Variants in FRMD4B observed in about 807,000 individuals in gnomAD.
The protein encoded by FRMD4B is FERM domain containing 4B.
Under a neutral mutation model 141.5 loss-of-function variants are expected in FRMD4B, and 74 were observed. The ratio of observed to expected loss-of-function variants is 0.52; its 90% CI spans 0.43 to 0.63. The LOEUF (loss-of-function observed/expected upper bound fraction) is 0.63, where lower values mean the gene tolerates loss of function less well. Among genes scored for constraint, FRMD4B ranks in the 30% least tolerant of loss-of-function variants. FRMD4B has a pLI of 0.00. For missense variants in FRMD4B, 1,366 were observed against 1,253.4 expected (o/e 1.09, Z -1.36); for synonymous variants, 506 against 467.9 (o/e 1.08, Z -1.05).
chr3:69,456,566 CACTT>C (rs1705618380), intron 1 of FRMD4B, among the ~76,000 whole-genome samples: 2 of 152,222 alleles, frequency 1.3e-5, no homozygotes, highest in South Asian at 2.1e-4. Context: ...ACTTTCAGAG[CACTT>C]ACTATGTTAA....
At chr3:69,236,237 T>TTTTTTTTTTTTTTTTTTTTTTTTC in intron 7 of FRMD4B, among the ~76,000 whole-genome samples, 1 of 151,434 alleles carries the variant, frequency 6.6e-6, no homozygotes. Flanking sequence ...GGTTTTTTTT[T>TTTTTTTTTTTTTTTTTTTTTTTTC]TTTTTTTCCG....
chr3:69,515,283 C>T (rs1390500116), intron 1 of FRMD4B, among the ~76,000 whole-genome samples: 2 of 152,162 alleles, frequency 1.3e-5, no homozygotes, highest in African/African-American at 2.4e-5. Context: ...AATCGTCTTC[C>T]ACCAGGTACC....
At chr3:69,278,101 G>A (rs1319805953) in intron 5 of FRMD4B, among the ~76,000 whole-genome samples, 1 of 152,102 alleles carries the variant, frequency 6.6e-6, no homozygotes, top group African/African-American at 2.4e-5. Context: ...TGATCCGCCT[G>A]CCTTGGCCTC....
At chr3:69,230,142 A>T (rs2093293133) in intron 7 of FRMD4B, among the ~76,000 whole-genome samples, 1 of 151,426 alleles carries the variant, frequency 6.6e-6, no homozygotes, top group Non-Finnish European at 1.5e-5. Context: ...CGCCTGGCTA[A>T]TTTTTTTGTA....
At chr3:69,510,778 T>G (rs1168042334) in intron 1 of FRMD4B, among the ~76,000 whole-genome samples, 1 of 152,196 alleles carries the variant, frequency 6.6e-6, no homozygotes, top group Non-Finnish European at 1.5e-5. Context: ...CAAGTCCACA[T>G]ACAGGGCACA....
In FRMD4B at chr3:69,311,344, G is replaced by A. The variant is rs773470685; in HGVS notation, c.242C>T (p.Ala81Val). ...AGCCACTAGGTCCAGCAACTCTCTT[G>A]CTAGAAGTTTGGGCTGTCAAAATAA... is the stretch of plus-strand genomic sequence containing the variant. ...LELLVQPKLL[A>V]RELLDLVASH... Residue 81 changes from alanine to valine, a missense_variant, in exon 3 of 23, where the codon GCA becomes GTA. Physicochemically the swap from Ala to Val is moderately conservative, Grantham distance 64 (BLOSUM62 0). Transcript: ENST00000398540. 6.3e-7 allele frequency: 1 copy of A among 1,596,060 alleles called. No homozygotes were observed. Among genetic ancestry groups the A allele is most frequent in the South Asian group, 1.1e-5 (1 of 90,166 alleles).
At chr3:69,228,499 G>T (rs1264273609) in intron 7 of FRMD4B, 4 of 455,292 alleles carry the variant, frequency 8.8e-6, no homozygotes, top group Non-Finnish European at 1.8e-5. Flanking sequence ...ATACAGATTT[G>T]ACTCTGTGTG....
In FRMD4B at chr3:69,487,730, A is replaced by G. The variant is rs551372045; in HGVS notation, c.-129+54476T>C. 9.2e-5 allele frequency among the ~76,000 whole-genome samples: 14 copies of G among 152,334 alleles called. No individual in the cohort carries two copies. The South Asian group carries it at 2.9e-3, about 32-fold the overall frequency. On this transcript the variant is annotated intron_variant, in intron 1 of 5. Coordinates refer to the FRMD4B transcript ENST00000459638. ...CCTGAATTTAGGAGGCTGTCCAGGG[A>G]TGCTGAGGCAGTTGGAGTGCTAGCC...
At chr3:69,240,462 G>A (rs1209107834) in intron 7 of FRMD4B, among the ~76,000 whole-genome samples, 9 of 111,856 alleles carry the variant, frequency 8.0e-5, no homozygotes, top group Admixed American at 2.7e-4. Context: ...CAGCCTGGAC[G>A]ACAGAGCAAG....
intron 12 of FRMD4B, 85 bp from the exon 13 acceptor site, chr3:69,197,123 A>G (rs13059687): frequency 0.89 from 981,878 of 1,100,178 alleles, 447,611 homozygotes; most frequent in Non-Finnish European, 0.95. Context: ...ATTGTAACAA[A>G]GCATGTTCCT....
chr3:69,334,582 G>A (rs777179315), intron 1 of FRMD4B: 4 of 152,106 alleles, frequency 2.6e-5, no homozygotes, highest in Non-Finnish European at 4.4e-5. Context: ...ATAACTCAGA[G>A]GTTGAGCACT....
rs550770499 is a variant in FRMD4B, at chr3:69,224,821, G to A, written c.582-131C>T. 116 of 600,452 alleles carry A rather than the reference G, an allele frequency of 1.9e-4. 1 individual carries two copies. The highest frequency in any genetic ancestry group is 2.7e-5 in the Non-Finnish European group (9 of 337,564). The allele number at this position is 600,452 out of a possible 1,614,324, so 37.2% of individuals were successfully genotyped here. ...TGGAGCCAACATACACATGGTTATG[G>A]ACTCTAACTAGAAGCAGCCCCCAAA... On this transcript the variant is annotated intron_variant, in intron 7 of 22. Coordinates refer to ENST00000398540, the MANE Select transcript of FRMD4B (RefSeq NM_015123.3).
At chr3:69,198,488 G>C (rs941115878) in intron 12 of FRMD4B, 1 of 548,324 alleles carries the variant, frequency 1.8e-6, no homozygotes, top group Admixed American at 3.3e-5. Flanking sequence ...TGCTGCTTGG[G>C]ATGTAAAATG....
chr3:69,431,861 C>T (rs1221048754), intron 2 of FRMD4B, among the ~76,000 whole-genome samples: 2 of 152,198 alleles, frequency 1.3e-5, no homozygotes, highest in Non-Finnish European at 1.5e-5. Context: ...ATTTTACTCA[C>T]GTGCAGTTCA....
chr3:69,212,886 A>G (rs2093100400), intron 11 of FRMD4B, among the ~76,000 whole-genome samples: 1 of 152,202 alleles, frequency 6.6e-6, no homozygotes, highest in Admixed American at 6.5e-5. Flanking sequence ...AAAAATCTCA[A>G]TACAAGTGAG....
intron 10 of FRMD4B, 56 bp downstream of exon 10, chr3:69,218,266 G>T: frequency 1.2e-6 from 1 of 822,152 alleles, no homozygotes; most frequent in Non-Finnish European, 2.1e-6. Flanking sequence ...AAAAAAGCTG[G>T]TATTGTGCAA....
In FRMD4B at chr3:69,224,643, G is replaced by A; in HGVS notation, c.629C>T (p.Thr210Ile). 1 of 1,587,376 alleles carries A rather than the reference G, an allele frequency of 6.3e-7. No homozygotes were observed. The highest frequency in any genetic ancestry group is 8.6e-7 in the Non-Finnish European group (1 of 1,160,990). Residue 210 changes from threonine (T) to isoleucine (I), a missense_variant, in exon 8 of 23, where the codon ACC becomes ATC. Thr to Ile is a moderately conservative substitution (Grantham distance 89). Coordinates refer to ENST00000398540, the MANE Select transcript of FRMD4B (RefSeq NM_015123.3). ...GGATGGATGCTCCTGAAGAGTTTTGGTTGGAAAGGCTGGTAATGTCTTTAA... is the reference window on the plus strand; with the variant it reads ...GGATGGATGCTCCTGAAGAGTTTTGATTGGAAAGGCTGGTAATGTCTTTAA... ...KDLKTLPAFP[T>I]KTLQEHPSLA...
At chr3:69,248,525 G>C (rs556853257) in intron 7 of FRMD4B, among the ~76,000 whole-genome samples, 77 of 152,318 alleles carry the variant, frequency 5.1e-4, no homozygotes, top group Middle Eastern at 6.8e-3. Flanking sequence ...AATAATCTAC[G>C]AGTAACGTCT....
At position 69,316,334 on chromosome 3, in the gene FRMD4B, G is replaced by T. The variant is rs559538709; in HGVS notation, c.163-2817C>A. On this transcript the variant is annotated intron_variant, in intron 1 of 22. Transcript: ENST00000398540. ...AGTCTTTATTAGCTCTAGGCACTGA[G>T]CTGGGCTTTTTACATGTATTATCTC... 2.7e-4 allele frequency among the ~76,000 whole-genome samples: 41 copies of T among 152,258 alleles called. No homozygotes were observed. The South Asian group carries it at 8.5e-3, about 32-fold the overall frequency.
Sources: gnomAD v4.1 joint callset for allele counts (sites outside exome capture counted in the v4.1 genomes callset) on GRCh38, gnomAD v4.1.1 for gene constraint, MANE v1.5 for transcripts, NCBI Gene and HGNC (gene_info 2026-07-23, HGNC 2026-07-21) for gene names.